The following CLYBL variants were observed in gnomAD, a reference collection of about 807,000 sequenced individuals.
The protein encoded by CLYBL is citramalyl-CoA lyase, mitochondrial.
In CLYBL, 31 loss-of-function variants were observed where a neutral mutation model predicts 38.9. The observed-to-expected ratio is 0.80, with a 90% CI of 0.60 to 1.08. The LOEUF (loss-of-function observed/expected upper bound fraction) is 1.08. Among genes scored for constraint, CLYBL ranks in the 50% least tolerant of loss-of-function variants. The pLI is 0.00. For missense variants in CLYBL, 434 were observed against 411.6 expected (o/e 1.05, Z -0.47); for synonymous variants, 171 against 158.6 (o/e 1.08, Z -0.59).
chr13:99,816,676 C>T (rs1470453025), intron 2 of CLYBL, among the ~76,000 whole-genome samples: 1 of 152,226 alleles, frequency 6.6e-6, no homozygotes, highest in Non-Finnish European at 1.5e-5. Flanking sequence ...TGGGTGGACA[C>T]AGTGAGAAAG....
At chr13:99,726,906 C>CA (rs2048483847) in intron 1 of CLYBL, among the ~76,000 whole-genome samples, 1 of 152,218 alleles carries the variant, frequency 6.6e-6, no homozygotes, top group Non-Finnish European at 1.5e-5. Flanking sequence ...CGCCTGTAAT[C>CA]CCATCACTTT....
intron 2 of CLYBL, among the ~76,000 whole-genome samples, chr13:99,778,629 C>T (rs967916197): frequency 1.3e-5 from 2 of 152,182 alleles, no homozygotes; most frequent in African/African-American, 4.8e-5. Context: ...GATGGCACTA[C>T]CAGCTCACCT....
intron 1 of CLYBL, among the ~76,000 whole-genome samples, chr13:99,715,341 C>G (rs894983196): frequency 6.6e-6 from 1 of 152,090 alleles, no homozygotes; most frequent in African/African-American, 2.4e-5. Flanking sequence ...GATTTACTTC[C>G]TTTGCCCTTT....
chr13:99,652,830 T>C (rs1348625414), intron 1 of CLYBL, among the ~76,000 whole-genome samples: 3 of 152,180 alleles, frequency 2.0e-5, no homozygotes, highest in Non-Finnish European at 2.9e-5. Flanking sequence ...GCTTATTGCT[T>C]CTTAAGAATC....
At chr13:99,797,992 G>A (rs1453060515) in intron 2 of CLYBL, among the ~76,000 whole-genome samples, 1 of 152,128 alleles carries the variant, frequency 6.6e-6, no homozygotes, top group Non-Finnish European at 1.5e-5. Flanking sequence ...AAAGAGGTTG[G>A]ACTGCCCTGA....
At chr13:99,630,425 A>G (rs989670349) in intron 1 of CLYBL, among the ~76,000 whole-genome samples, 1 of 152,196 alleles carries the variant, frequency 6.6e-6, no homozygotes, top group African/African-American at 2.4e-5. Flanking sequence ...CCTGAAAAAC[A>G]TGACTATTTA....
intron 1 of CLYBL, among the ~76,000 whole-genome samples, chr13:99,707,647 G>A (rs1270203232): frequency 1.3e-5 from 2 of 152,154 alleles, no homozygotes; most frequent in Non-Finnish European, 2.9e-5. Context: ...TGAAACACTA[G>A]TTACTAGAAA....
At chr13:99,880,066 ATAT>A (rs1377920050) in intron 7 of CLYBL, among the ~76,000 whole-genome samples, 26 of 60,770 alleles carry the variant, frequency 4.3e-4, no homozygotes, top group South Asian at 4.1e-3. Flanking sequence ...ATATATATAT[ATAT>A]TTTTTTTTTT....
chr13:99,890,634 T>A (rs554986921), intron 7 of CLYBL, among the ~76,000 whole-genome samples: 8 of 151,964 alleles, frequency 5.3e-5, no homozygotes, highest in Non-Finnish European at 2.9e-5. Flanking sequence ...CCCAGCTAAT[T>A]TTTTTGTATT....
chr13:99,679,243 A>G (rs934045583), intron 1 of CLYBL, among the ~76,000 whole-genome samples: 1 of 150,332 alleles, frequency 6.7e-6, no homozygotes, highest in Non-Finnish European at 1.5e-5. Flanking sequence ...GCAGTAAGCC[A>G]AGATTGCGCC....
At chr13:99,861,666 G>C (rs1486878828) in intron 3 of CLYBL, among the ~76,000 whole-genome samples, 1 of 152,148 alleles carries the variant, frequency 6.6e-6, no homozygotes, top group Admixed American at 6.5e-5. Flanking sequence ...TTTGAAGGGG[G>C]GGCAGTGGGA....
At chr13:99,644,599 AACTT>A (rs1378520816) in intron 1 of CLYBL, among the ~76,000 whole-genome samples, 1 of 152,144 alleles carries the variant, frequency 6.6e-6, no homozygotes, top group Non-Finnish European at 1.5e-5. Flanking sequence ...CAAATACTAG[AACTT>A]ACTTCTTTCT....
chr13:99,720,911 T>C (rs2048382373), intron 1 of CLYBL, among the ~76,000 whole-genome samples: 1 of 152,192 alleles, frequency 6.6e-6, no homozygotes, highest in African/African-American at 2.4e-5. Flanking sequence ...GTCCTCATTC[T>C]TTCTATTCTC....
At chr13:99,608,503 C>T (rs1169186464) in intron 1 of CLYBL, among the ~76,000 whole-genome samples, 2 of 152,150 alleles carry the variant, frequency 1.3e-5, no homozygotes, top group Non-Finnish European at 2.9e-5. Flanking sequence ...GGGAGTCACC[C>T]CTCGCCCTAG....
chr13:99,837,030 A>C (rs9582349), intron 2 of CLYBL, among the ~76,000 whole-genome samples: 4,666 of 152,144 alleles, frequency 0.031, 246 homozygotes, highest in African/African-American at 0.11. Flanking sequence ...CCTAAAACTT[A>C]AAGTATAATA....
At chr13:99,811,726 G>A (rs1301822818) in intron 2 of CLYBL, among the ~76,000 whole-genome samples, 1 of 149,778 alleles carries the variant, frequency 6.7e-6, no homozygotes, top group Admixed American at 6.7e-5. Context: ...GATGATCCTG[G>A]CTGGATTTGT....
intron 1 of CLYBL, among the ~76,000 whole-genome samples, chr13:99,621,244 A>G (rs1313128975): frequency 6.6e-6 from 1 of 152,118 alleles, no homozygotes. Context: ...GCTAAAGTCC[A>G]GGCCCCTTAG....
At chr13:99,908,879 T>C (rs754306024) in exon 10 of CLYBL, among the ~76,000 whole-genome samples, 1 of 152,202 alleles carries the variant, frequency 6.6e-6, no homozygotes, top group Non-Finnish European at 1.5e-5. Context: ...AATAAACAAA[T>C]GGGAGGTGTT....
chr13:99,787,846 C>G (rs1001498538), intron 2 of CLYBL, among the ~76,000 whole-genome samples: 81 of 152,128 alleles, frequency 5.3e-4, no homozygotes, highest in African/African-American at 1.9e-3. Context: ...GAATGTTCTT[C>G]CATTTGTTTG....
Sources: allele counts gnomAD v4.1 joint callset (sites outside exome capture counted in the v4.1 genomes callset), GRCh38; gene constraint gnomAD v4.1.1; transcripts MANE v1.5; gene names NCBI Gene and HGNC (gene_info 2026-07-23, HGNC 2026-07-21).